The following ST8SIA1 variants were observed in gnomAD, a reference collection of about 807,000 sequenced individuals.
ST8SIA1 encodes alpha-N-acetylneuraminide alpha-2,8-sialyltransferase.
ST8SIA1 carries 16 observed loss-of-function variants against 35.9 expected under a neutral mutation model. The observed-to-expected ratio is 0.45, with a 90% confidence interval of 0.30 to 0.68. The LOEUF is 0.68. Ranked by LOEUF, ST8SIA1 falls within the 30% of genes least tolerant of loss-of-function variation. The probability of loss-of-function intolerance (pLI) is 0.09; values close to 1 mark genes in which losing one functional copy is unlikely to be tolerated. For synonymous variants in ST8SIA1, 170 were observed against 169.6 expected (o/e 1.00, Z -0.02); for missense variants, 383 against 453.6 (o/e 0.84, Z 1.41).
intron 2 of ST8SIA1, among the ~76,000 whole-genome samples, chr12:22,277,282 T>TCA (rs889260430): frequency 3.4e-4 from 51 of 152,054 alleles, no homozygotes; most frequent in African/African-American, 1.2e-3. Flanking sequence ...TTAAGAGATG[T>TCA]CACACACACC....
In ST8SIA1 at chr12:22,285,885, A is replaced by AC. The variant is rs1555160058; in HGVS notation, c.381+1263_381+1264insG. 4.1e-4 allele frequency among the ~76,000 whole-genome samples: 61 copies of AC among 147,324 alleles called. No individual in the cohort carries two copies. The South Asian group carries it at 4.4e-3, about 11-fold the overall frequency. ...TAAGACTCTGTCAAAAACAAAAAAA[A>AC]AAAAAAAAAAAGGACATTTCCATGC... On this transcript the variant is annotated intron_variant, in intron 2 of 4. Coordinates refer to ENST00000396037, the MANE Select transcript of ST8SIA1 (RefSeq NM_003034.4).
chr12:22,333,676 C>CT (rs1866798412), intron 1 of ST8SIA1, among the ~76,000 whole-genome samples: 1 of 152,210 alleles, frequency 6.6e-6, no homozygotes, highest in South Asian at 2.1e-4. Flanking sequence ...GTGCAAGAGA[C>CT]TAAGTTATCC....
At chr12:22,300,126 T>C (rs1192332992) in intron 1 of ST8SIA1, among the ~76,000 whole-genome samples, 3 of 152,160 alleles carry the variant, frequency 2.0e-5, no homozygotes, top group Non-Finnish European at 4.4e-5. Context: ...TTATGTGCTT[T>C]TAAAGTCCTC....
Position 22,204,398 on chromosome 12 carries a change from G to A in ST8SIA1, c.585-2360C>T, listed in dbSNP as rs116700641. On this transcript the variant is annotated intron_variant, in intron 4 of 4. Coordinates refer to ENST00000396037, the MANE Select transcript of ST8SIA1 (RefSeq NM_003034.4). ...AAACTCTTCTTAATATGCTCATACC[G>A]TTCCCAGTGCTACATTCTCATTCTG... is the stretch of plus-strand genomic sequence containing the variant. 7.8e-3 allele frequency among the ~76,000 whole-genome samples: 1,185 copies of A among 152,256 alleles called. 10 individuals are homozygous for A. The highest frequency in any genetic ancestry group is 0.025 in the African/African-American group (1,028 of 41,534).
chr12:22,223,574 A>T, intron 4 of ST8SIA1: 18 of 1,048,908 alleles, frequency 1.7e-5, no homozygotes, highest in Non-Finnish European at 2.1e-5. Context: ...CCATTTTTCA[A>T]GCCAGATTCT....
intron 1 of ST8SIA1, chr12:22,325,546 G>A: frequency 1.4e-6 from 1 of 696,628 alleles, no homozygotes. Context: ...TGTAAGCCTT[G>A]GAACCCCATG....
At chr12:22,274,373 A>G (rs1179136648) in intron 2 of ST8SIA1, among the ~76,000 whole-genome samples, 1 of 152,232 alleles carries the variant, frequency 6.6e-6, no homozygotes, top group Non-Finnish European at 1.5e-5. Context: ...ACTTTTGCAG[A>G]ATTCTAGACA....
In ST8SIA1 at chr12:22,302,278, A is replaced by G. The variant is rs190851967; in HGVS notation, c.237-14985T>C. ...CCAATTTTCCTAATTTGAAATCACT[A>G]AAAACTAACCTTTGCTTTCTTAAAG... is the stretch of plus-strand genomic sequence containing the variant. On this transcript the variant is annotated intron_variant, in intron 1 of 4. Coordinates refer to ENST00000396037, the MANE Select transcript of ST8SIA1 (RefSeq NM_003034.4). Among the ~76,000 whole-genome samples, 147 of 152,268 alleles carry G rather than the reference A, an allele frequency of 9.7e-4. 4 individuals carry two copies. The East Asian group carries it at 0.026, about 27-fold the overall frequency.
At chr12:22,266,365 G>A (rs1384664979) in intron 2 of ST8SIA1, among the ~76,000 whole-genome samples, 7 of 151,834 alleles carry the variant, frequency 4.6e-5, no homozygotes, top group Admixed American at 3.9e-4. Context: ...ACGTGGAATT[G>A]AAACAAATCA....
intron 2 of ST8SIA1, among the ~76,000 whole-genome samples, chr12:22,258,631 AC>A (rs1239537805): frequency 8.5e-5 from 13 of 152,324 alleles, no homozygotes; most frequent in African/African-American, 3.1e-4. Context: ...AGCGATAAGA[AC>A]AAAAACCTGA....
intron 4 of ST8SIA1, among the ~76,000 whole-genome samples, chr12:22,240,366 T>C (rs1201580374): frequency 6.6e-6 from 1 of 152,216 alleles, no homozygotes; most frequent in African/African-American, 2.4e-5. Context: ...CATGTATCCA[T>C]ATTTTTAGGG....
At chr12:22,227,226 G>T (rs1052907098) in intron 4 of ST8SIA1, among the ~76,000 whole-genome samples, 2 of 151,830 alleles carry the variant, frequency 1.3e-5, no homozygotes, top group Non-Finnish European at 2.9e-5. Context: ...TTACTGGTGT[G>T]AGCCACCACA....
At chr12:22,328,685 A>G (rs567640317) in intron 1 of ST8SIA1, among the ~76,000 whole-genome samples, 2 of 152,360 alleles carry the variant, frequency 1.3e-5, no homozygotes, top group South Asian at 2.1e-4. Flanking sequence ...AACAGAGAGG[A>G]GGAGTTCTAA....
intron 4 of ST8SIA1, among the ~76,000 whole-genome samples, chr12:22,243,489 C>A: frequency 6.6e-6 from 1 of 152,154 alleles, no homozygotes; most frequent in Non-Finnish European, 1.5e-5. Flanking sequence ...ATATTTTAAT[C>A]CCTATATACA....
At chr12:22,282,674 G>T (rs1403895181) in intron 2 of ST8SIA1, among the ~76,000 whole-genome samples, 1 of 152,060 alleles carries the variant, frequency 6.6e-6, no homozygotes, top group African/African-American at 2.4e-5. Flanking sequence ...TATTGCTTGA[G>T]ATAAATAAGC....
intron 2 of ST8SIA1, among the ~76,000 whole-genome samples, chr12:22,282,653 C>G (rs1164093178): frequency 4.6e-5 from 7 of 152,150 alleles, no homozygotes; most frequent in Non-Finnish European, 8.8e-5. Context: ...ACTACCTACC[C>G]TCTAATTCTT....
intron 2 of ST8SIA1, among the ~76,000 whole-genome samples, chr12:22,281,268 A>G (rs1390040788): frequency 6.6e-6 from 1 of 152,218 alleles, no homozygotes; most frequent in Non-Finnish European, 1.5e-5. Flanking sequence ...AAATATAAAG[A>G]CCAGGTATTA....
chr12:22,311,276 A>C (rs1016660042), intron 1 of ST8SIA1, among the ~76,000 whole-genome samples: 3 of 152,156 alleles, frequency 2.0e-5, no homozygotes, highest in African/African-American at 7.2e-5. Flanking sequence ...ACATCTTATC[A>C]GTACTTGGAA....
intron 2 of ST8SIA1, among the ~76,000 whole-genome samples, chr12:22,274,277 T>C (rs141455900): frequency 3.3e-5 from 5 of 152,300 alleles, no homozygotes; most frequent in African/African-American, 7.2e-5. Context: ...CATGATCTGA[T>C]TTGCATTTTA....
Sources: gnomAD v4.1 joint callset for allele counts (sites outside exome capture counted in the v4.1 genomes callset) on GRCh38, gnomAD v4.1.1 for gene constraint, MANE v1.5 for transcripts, NCBI Gene and HGNC (gene_info 2026-07-23, HGNC 2026-07-21) for gene names.